Variants in CDH8 observed in about 807,000 individuals in gnomAD.
CDH8 encodes the protein cadherin-8.
Under a neutral mutation model 68.1 loss-of-function variants are expected in CDH8, and 17 were observed. That is an observed-to-expected ratio of 0.25 (90% confidence interval 0.17 to 0.37). The LOEUF (loss-of-function observed/expected upper bound fraction) is 0.37. CDH8 is among the 10% of genes least tolerant of loss of function. The pLI, the probability that CDH8 is intolerant of heterozygous loss-of-function variation, is 1.00. For synonymous variants in CDH8, 372 were observed against 365.1 expected, an observed-to-expected ratio of 1.02 and a Z score of -0.21; for missense variants, 763 against 999.3, an observed-to-expected ratio of 0.76 and a Z score of 3.19.
intron 8 of CDH8, among the ~76,000 whole-genome samples, chr16:61,728,609 A>T (rs915504056): frequency 1.3e-5 from 2 of 151,210 alleles, no homozygotes; most frequent in African/African-American, 4.8e-5. Context: ...ATAGACATTT[A>T]ACTTATGACT....
intron 2 of CDH8, among the ~76,000 whole-genome samples, chr16:61,983,715 AG>A (rs1269257387): frequency 6.6e-6 from 1 of 152,156 alleles, no homozygotes. Context: ...AAAATACCAT[AG>A]AAAGGATGGC....
chr16:61,739,159 T>G (rs1596918352), intron 8 of CDH8, among the ~76,000 whole-genome samples: 1 of 152,178 alleles, frequency 6.6e-6, no homozygotes, highest in African/African-American at 2.4e-5. Flanking sequence ...TTGTTTCAAA[T>G]AGGATTGACT....
At chr16:61,985,916 T>C (rs1965617234) in intron 2 of CDH8, among the ~76,000 whole-genome samples, 1 of 133,958 alleles carries the variant, frequency 7.5e-6, no homozygotes, top group African/African-American at 2.8e-5. Context: ...TTCCTTTCTT[T>C]ACTTTTTTTT....
At chr16:61,853,713 G>T (rs556589125) in intron 4 of CDH8, among the ~76,000 whole-genome samples, 1 of 152,056 alleles carries the variant, frequency 6.6e-6, no homozygotes, top group African/African-American at 2.4e-5. Flanking sequence ...CTTAGGTAAC[G>T]AGTCTCTGCT....
At chr16:61,992,823 C>T (rs1965748503) in intron 2 of CDH8, among the ~76,000 whole-genome samples, 2 of 152,126 alleles carry the variant, frequency 1.3e-5, no homozygotes, top group African/African-American at 4.8e-5. Flanking sequence ...GGGTCCTGCT[C>T]AGTTGTCCGG....
chr16:61,712,614 A>T (rs369386161), intron 10 of CDH8, among the ~76,000 whole-genome samples: 1 of 151,626 alleles, frequency 6.6e-6, no homozygotes, highest in Non-Finnish European at 1.5e-5. Flanking sequence ...TAATAAATAA[A>T]CAATGACAAT....
Position 62,015,475 on chromosome 16 carries a change from A to G in CDH8, c.252+5677T>C, listed in dbSNP as rs1029670647. Among the ~76,000 whole-genome samples, 12 of 152,032 alleles carry G rather than the reference A, an allele frequency of 7.9e-5. No homozygotes were observed. In the South Asian group the frequency reaches 2.1e-3, roughly 26 times the overall value. On this transcript the variant is annotated intron_variant, in intron 2 of 11. Transcript: ENST00000577390. ...AATATATAATATCTTAATCCCATAC[A>G]CTCAGAAGTGAGGAAATTGCACCTA...
At position 62,021,168 on chromosome 16, in the gene CDH8, G is replaced by A. The variant is rs1902064480; in HGVS notation, c.236C>T (p.Pro79Leu). 8 of 1,613,820 alleles carry A rather than the reference G, an allele frequency of 5.0e-6. No individual in the cohort carries two copies. Among genetic ancestry groups the A allele is most frequent in the Non-Finnish European group, 6.8e-6 (8 of 1,179,846 alleles). ...FVLEEFSGPEPILVGRLHTDL... is the reference protein window; with the variant it reads ...FVLEEFSGPELILVGRLHTDL... Reference sequence around the variant, plus strand: ...AAAGCTTACCCGGCCAACAAGAATCGGTTCAGGTCCAGAAAACTCTTCCAG... The same window carrying A: ...AAAGCTTACCCGGCCAACAAGAATCAGTTCAGGTCCAGAAAACTCTTCCAG... Residue 79 changes from proline (P) to leucine (L), a missense_variant, in exon 2 of 12, where the codon CCG becomes CTG. Physicochemically the swap from Pro to Leu is moderately conservative, Grantham distance 98. This residue lies in a region of CDH8 where 366 missense variants were observed against 563.1 expected (regional missense o/e 0.65). Transcript: ENST00000577390.
rs900273725 is a variant in CDH8, at chr16:61,978,372, T to C, written c.252+42780A>G. Among the ~76,000 whole-genome samples, 4 of 152,320 alleles carry C rather than the reference T, an allele frequency of 2.6e-5. No homozygotes were observed. The East Asian group carries it at 7.7e-4, about 29-fold the overall frequency. ...TACCCATTGATGGTGGCAGTGTTGC[T>C]GTTGCCACCATTGCTGTTGCTGATA... On this transcript the variant is annotated intron_variant, in intron 2 of 11. Transcript: ENST00000577390.
rs1902075542 is a variant in CDH8, at chr16:62,021,510, C to T, written c.-107G>A. Reference sequence around the variant, plus strand: ...TGCAGTGCCGAGCATTTACTTACAGCTCTGCCACGTGTCTATAGCACGGGA... The same window carrying T: ...TGCAGTGCCGAGCATTTACTTACAGTTCTGCCACGTGTCTATAGCACGGGA... On this transcript the variant is annotated 5_prime_UTR_variant, in exon 2 of 12. Transcript: ENST00000577390. The T allele has an allele frequency of 4.0e-6, 6 of 1,499,668 alleles. No individual in the cohort carries two copies. Among genetic ancestry groups the T allele is most frequent in the Non-Finnish European group, 5.3e-6 (6 of 1,129,880 alleles). The allele number at this position is 1,499,668 out of a possible 1,614,324, so 92.9% of individuals were successfully genotyped here.
At chr16:61,836,008 G>A (rs1490615516) in intron 4 of CDH8, among the ~76,000 whole-genome samples, 7 of 151,886 alleles carry the variant, frequency 4.6e-5, no homozygotes, top group Admixed American at 2.6e-4. Context: ...ATACCCACCT[G>A]AGACTTATAA....
chr16:61,975,512 C>T (rs1456955695), intron 2 of CDH8, among the ~76,000 whole-genome samples: 1 of 152,010 alleles, frequency 6.6e-6, no homozygotes, highest in East Asian at 1.9e-4. Context: ...TAGTATGTAA[C>T]TTATAAGGAG....
chr16:61,738,220 G>C (rs972868876), intron 8 of CDH8, among the ~76,000 whole-genome samples: 1 of 152,092 alleles, frequency 6.6e-6, no homozygotes, highest in African/African-American at 2.4e-5. Flanking sequence ...ACTGACCCCT[G>C]TGTGTTTTCC....
At chr16:61,929,933 T>C (rs1964514243) in intron 2 of CDH8, among the ~76,000 whole-genome samples, 2 of 151,846 alleles carry the variant, frequency 1.3e-5, no homozygotes, top group South Asian at 4.2e-4. Context: ...TCAAAACACA[T>C]GTCAATTACA....
At chr16:61,889,721 T>C (rs909273638) in intron 3 of CDH8, among the ~76,000 whole-genome samples, 12 of 152,192 alleles carry the variant, frequency 7.9e-5, no homozygotes, top group African/African-American at 2.7e-4. Flanking sequence ...TTCATTCTAA[T>C]TTACAGAACT....
chr16:61,844,643 T>C (rs1962766229), intron 4 of CDH8, among the ~76,000 whole-genome samples: 1 of 152,156 alleles, frequency 6.6e-6, no homozygotes. Flanking sequence ...TTATAGAAAA[T>C]GATGTGATCT....
chr16:61,919,781 C>T lies in CDH8; in HGVS notation c.253-18308G>A, dbSNP rs563809542. 4.6e-5 allele frequency among the ~76,000 whole-genome samples: 7 copies of T among 152,190 alleles called. No individual in the cohort carries two copies. The East Asian group carries it at 1.4e-3, about 30-fold the overall frequency. On this transcript the variant is annotated intron_variant, in intron 2 of 11. Transcript: ENST00000577390. The stretch of plus-strand genomic sequence containing the variant: ...GGAGAACTTCCCCAATCTAGCAAGG[C>T]AGGCCAACGAACAAAGAACAAAGAA...
chr16:61,963,265 T>C (rs1229861102), intron 2 of CDH8, among the ~76,000 whole-genome samples: 2 of 152,188 alleles, frequency 1.3e-5, no homozygotes, highest in African/African-American at 4.8e-5. Flanking sequence ...GTCCCTTCCA[T>C]GTCACCATGA....
intron 10 of CDH8, among the ~76,000 whole-genome samples, chr16:61,704,309 T>C (rs535111950): frequency 7.2e-5 from 11 of 152,344 alleles, no homozygotes; most frequent in South Asian, 2.1e-4. Context: ...TGAAATATAT[T>C]CCCAAATTAC....
Sources: allele counts gnomAD v4.1 joint callset (sites outside exome capture counted in the v4.1 genomes callset), GRCh38; gene constraint gnomAD v4.1.1; regional missense constraint gnomAD v4.1.1; transcripts MANE v1.5; gene names NCBI Gene and HGNC (gene_info 2026-07-23, HGNC 2026-07-21).